The following ABCC5 variants were observed in gnomAD, a reference collection of about 807,000 sequenced individuals.
ABCC5 encodes the protein ATP-binding cassette sub-family C member 5.
ABCC5 carries 61 observed loss-of-function variants against 160.9 expected under a neutral mutation model. The observed-to-expected ratio is 0.38, with a 90% confidence interval of 0.31 to 0.47. ABCC5 has a LOEUF of 0.47. Among genes scored for constraint, ABCC5 ranks in the 20% least tolerant of loss-of-function variants. ABCC5 has a pLI of 0.99. For missense variants in ABCC5, 1,308 were observed against 1,813.3 expected (o/e 0.72, Z 5.06); for synonymous variants, 666 against 700.6 (o/e 0.95, Z 0.78).
rs1711917358 is a variant in ABCC5, at chr3:183,921,021, C to T, written c.*279G>A. ...AGATATAGCTACACGTATAAAGCTT[C>T]ATTATAGGCCTCTGATACAATTATA... On this transcript the variant is annotated 3_prime_UTR_variant, in exon 30 of 30. Transcript: ENST00000334444. This position sits in a 1 kb window ranked among gnomAD's most constrained non-coding sequence, Gnocchi z 4.1. 3.5e-6 allele frequency: 1 copy of T among 289,302 alleles called. No homozygotes were observed. The highest frequency in any genetic ancestry group is 8.6e-5 in the South Asian group (1 of 11,686). The allele number at this position is 289,302 out of a possible 1,614,324, so 17.9% of individuals were successfully genotyped here. A position where few individuals can be genotyped will look rare whatever the true frequency, so the allele number is the denominator to read the frequency against.
intron 8 of ABCC5, among the ~76,000 whole-genome samples, chr3:183,980,047 G>A (rs1457283535): frequency 6.6e-6 from 1 of 152,006 alleles, no homozygotes; most frequent in Admixed American, 6.6e-5. Flanking sequence ...GCTAATTTTT[G>A]TATTTTTAGT....
chr3:183,954,254 T>C (rs931442511), intron 17 of ABCC5, among the ~76,000 whole-genome samples: 1 of 152,120 alleles, frequency 6.6e-6, no homozygotes, highest in Non-Finnish European at 1.5e-5. Context: ...GTTCAAGCAA[T>C]TCTCCTGCCT....
chr3:184,010,997 C>T (rs928264798), intron 2 of ABCC5, among the ~76,000 whole-genome samples: 1 of 152,054 alleles, frequency 6.6e-6, no homozygotes, highest in African/African-American at 2.4e-5. Context: ...CAGCCTCGGC[C>T]TCCCAAAGTG....
rs1716934275 is a variant in ABCC5, at chr3:183,963,230, G to A, written c.2235+155C>T. ...TGGCCATCTGTTACACTGGTACAGT[G>A]AGCTTTATTGGTACAGGGGGCTAAT... On this transcript the variant is annotated intron_variant, in intron 15 of 29. Transcript: ENST00000334444. The surrounding 1 kb of genome is among the most constrained non-coding windows in gnomAD (Gnocchi z 4.6). Among the ~76,000 whole-genome samples the A allele has an allele frequency of 6.6e-6, 1 of 152,202 alleles. No individual in the cohort carries two copies.
intron 26 of ABCC5, among the ~76,000 whole-genome samples, chr3:183,937,309 G>A (rs897481797): frequency 4.6e-5 from 7 of 152,184 alleles, no homozygotes; most frequent in African/African-American, 7.2e-5. Flanking sequence ...CCCAGGAGGC[G>A]GAGGTTGCCG....
intron 26 of ABCC5, 147 bp from the exon 27 acceptor site, chr3:183,928,972 C>T (rs868806841): frequency 3.4e-6 from 2 of 591,590 alleles, no homozygotes; most frequent in South Asian, 2.4e-5. Flanking sequence ...CACAACCAGA[C>T]AGATGGGAGC....
At chr3:183,929,846 A>C (rs1713004009) in intron 26 of ABCC5, among the ~76,000 whole-genome samples, 1 of 152,174 alleles carries the variant, frequency 6.6e-6, no homozygotes, top group South Asian at 2.1e-4. Context: ...TCCAGTGCTC[A>C]AGCTCAAGTG....
chr3:183,982,317 G>T lies in ABCC5; in HGVS notation c.999+134C>A. On this transcript the variant is annotated intron_variant, in intron 7 of 29. Coordinates refer to ENST00000334444, the MANE Select transcript of ABCC5 (RefSeq NM_005688.4). The surrounding 1 kb of genome is among the most constrained non-coding windows in gnomAD (Gnocchi z 5.2). ...GTCCCTATAGAGCAAGCACTATCGA[G>T]CTCTAGATTGAACCTGCTTTGAGGA... 2 of 990,008 alleles carry T rather than the reference G, an allele frequency of 2.0e-6. No individual in the cohort carries two copies. Among genetic ancestry groups the T allele is most frequent in the Non-Finnish European group, 2.9e-6 (2 of 678,600 alleles). 61.3% of individuals were successfully genotyped at this position (990,008 alleles called of 1,614,324 possible).
At chr3:183,957,256 T>A (rs569504341) in intron 17 of ABCC5, among the ~76,000 whole-genome samples, 3 of 80,428 alleles carry the variant, frequency 3.7e-5, no homozygotes, top group African/African-American at 9.2e-5. Context: ...ATATCACATC[T>A]GTTACATGCG....
chr3:183,943,862 C>T (rs776840504), intron 24 of ABCC5, among the ~76,000 whole-genome samples: 6 of 152,180 alleles, frequency 3.9e-5, no homozygotes, highest in Admixed American at 6.5e-5. Flanking sequence ...TATGTACACA[C>T]ACGGGTCATC....
chr3:183,967,563 G>A, intron 12 of ABCC5, 132 bp downstream of exon 12: 1 of 785,624 alleles, frequency 1.3e-6, no homozygotes, highest in Non-Finnish European at 2.2e-6. Context: ...GCGGGGGATT[G>A]GGGGCATACA....
intron 2 of ABCC5, among the ~76,000 whole-genome samples, chr3:184,013,062 A>G (rs1576956040): frequency 6.6e-6 from 1 of 152,220 alleles, no homozygotes; most frequent in South Asian, 2.1e-4. Flanking sequence ...AAAAGGTATA[A>G]TGCTTTTTTT....
chr3:183,940,229 G>A (rs942642567), intron 25 of ABCC5, among the ~76,000 whole-genome samples: 3 of 151,442 alleles, frequency 2.0e-5, no homozygotes, highest in East Asian at 1.9e-4. Flanking sequence ...TGGGCGCAGC[G>A]GTTCACACCT....
At chr3:183,997,555 A>G (rs1277369702) in intron 2 of ABCC5, among the ~76,000 whole-genome samples, 1 of 152,026 alleles carries the variant, frequency 6.6e-6, no homozygotes, top group East Asian at 1.9e-4. Context: ...ACCACAGCCC[A>G]ATGCTTCTGG....
At chr3:183,939,497 A>C (rs1277857501) in intron 25 of ABCC5, among the ~76,000 whole-genome samples, 1 of 152,196 alleles carries the variant, frequency 6.6e-6, no homozygotes, top group Non-Finnish European at 1.5e-5. Flanking sequence ...AATTTTCAAG[A>C]TAAAATTTTA....
intron 2 of ABCC5, chr3:184,001,357 G>C (rs1720728427): frequency 4.6e-6 from 2 of 432,264 alleles, no homozygotes; most frequent in Non-Finnish European, 8.3e-6. Flanking sequence ...AAAATTATTA[G>C]GTATTTTACA....
At chr3:183,972,023 A>G (rs1325371293) in intron 10 of ABCC5, 104 bp from the exon 11 acceptor site, 2 of 1,587,284 alleles carry the variant, frequency 1.3e-6, no homozygotes, top group Admixed American at 1.7e-5. Flanking sequence ...CAGGCTATAC[A>G]GTGGAAGGAA....
intron 24 of ABCC5, among the ~76,000 whole-genome samples, chr3:183,944,628 T>C (rs1577488430): frequency 1.3e-5 from 2 of 152,214 alleles, no homozygotes; most frequent in East Asian, 3.8e-4. Context: ...TATAAGCAAA[T>C]TTGTCCAATC....
chr3:183,992,990 A>G (rs1254050821), intron 2 of ABCC5, among the ~76,000 whole-genome samples: 1 of 152,202 alleles, frequency 6.6e-6, no homozygotes, highest in Non-Finnish European at 1.5e-5. Flanking sequence ...GACACAATTC[A>G]GATTATAATA....
Sources: allele counts gnomAD v4.1 joint callset (sites outside exome capture counted in the v4.1 genomes callset), GRCh38; gene constraint gnomAD v4.1.1; non-coding constraint Gnocchi (gnomAD v3.1); transcripts MANE v1.5; gene names NCBI Gene and HGNC (gene_info 2026-07-23, HGNC 2026-07-21).